CNNM1: variants seen among roughly 807,000 people sequenced by gnomAD.
CNNM1 encodes cyclin and CBS domain divalent metal cation transport mediator 1.
A neutral mutation model predicts 78.8 loss-of-function variants in CNNM1; 44 were observed. The ratio of observed to expected loss-of-function variants is 0.56; its 90% confidence interval spans 0.44 to 0.72. The LOEUF (loss-of-function observed/expected upper bound fraction) is 0.72. CNNM1 is among the 30% of genes least tolerant of loss of function. CNNM1 has a pLI of 0.00. For missense variants in CNNM1, 1,101 were observed against 1,292.2 expected, an observed-to-expected ratio of 0.85 and a Z score of 2.27; for synonymous variants, 584 against 581.5, an observed-to-expected ratio of 1.00 and a Z score of -0.06.
chr10:99,388,857 T>C lies in CNNM1; in HGVS notation c.2674+556T>C, dbSNP rs562595318. 9.9e-5 allele frequency among the ~76,000 whole-genome samples: 15 copies of C among 152,270 alleles called. No homozygotes were observed. The South Asian group carries it at 3.1e-3, about 32-fold the overall frequency. On this transcript the variant is annotated intron_variant, in intron 9 of 10. Transcript: ENST00000356713. The stretch of plus-strand genomic sequence containing the variant: ...ACCAAAGGTGTAGCCTATAAGACTT[T>C]TCCTGAGGTCTAAGACCATATCACC...
chr10:99,345,620 AG>A (rs1339068258), intron 1 of CNNM1, among the ~76,000 whole-genome samples: 2 of 152,178 alleles, frequency 1.3e-5, no homozygotes, highest in Non-Finnish European at 2.9e-5. Flanking sequence ...ATTTTTAAGC[AG>A]GGGATTCTGG....
chr10:99,335,177 A>G (rs1191125818), intron 1 of CNNM1, among the ~76,000 whole-genome samples: 1 of 152,242 alleles, frequency 6.6e-6, no homozygotes, highest in East Asian at 1.9e-4. Flanking sequence ...GTAATTGCTA[A>G]CATGCATATT....
At chr10:99,382,851 C>G (rs57780386) in intron 7 of CNNM1, among the ~76,000 whole-genome samples, 5,295 of 152,280 alleles carry the variant, frequency 0.035, 281 homozygotes, top group African/African-American at 0.12. Flanking sequence ...GTCCAGAAAG[C>G]CACCCTTGCT....
intron 9 of CNNM1, 101 bp from the exon 10 acceptor site, chr10:99,390,205 A>T: frequency 3.5e-6 from 3 of 849,600 alleles, no homozygotes; most frequent in African/African-American, 1.7e-5. Context: ...CTCACGTCTT[A>T]AACTTCACTT....
chr10:99,391,747 T>C lies in CNNM1; in HGVS notation c.*231T>C. ...AGAAGGAGGTGCCTCTGATAGAACA[T>C]GCTAGAAATGGTCTTTTCCACAGCA... On this transcript the variant is annotated 3_prime_UTR_variant, in exon 11 of 11. Transcript: ENST00000356713. 1 of 490,668 alleles carries C rather than the reference T, an allele frequency of 2.0e-6. No homozygotes were observed. Among genetic ancestry groups the C allele is most frequent in the Non-Finnish European group, 3.7e-6 (1 of 273,024 alleles). 30.4% of individuals were successfully genotyped at this position (490,668 alleles called of 1,614,324 possible). A position where few individuals can be genotyped will look rare whatever the true frequency, so the allele number is the denominator to read the frequency against.
intron 1 of CNNM1, among the ~76,000 whole-genome samples, chr10:99,331,602 C>T (rs1291042015): frequency 1.3e-5 from 2 of 152,222 alleles, no homozygotes; most frequent in Non-Finnish European, 2.9e-5. Flanking sequence ...CGCGGCGGCT[C>T]ATGCTTCTAA....
chr10:99,361,107 G>T, intron 3 of CNNM1, 132 bp downstream of exon 3: 1 of 1,046,042 alleles, frequency 9.6e-7, no homozygotes, highest in Non-Finnish European at 1.3e-6. Context: ...TTCTAGGAAG[G>T]AGGTTGCCTT....
Position 99,391,717 on chromosome 10 carries a change from A to G in CNNM1, c.*201A>G. ...TTCGACTCAGAACCTTGACATGGCCATAACAGAAGGAGGTGCCTCTGATAG... is the reference window on the plus strand; with the variant it reads ...TTCGACTCAGAACCTTGACATGGCCGTAACAGAAGGAGGTGCCTCTGATAG... On this transcript the variant is annotated 3_prime_UTR_variant, in exon 11 of 11. Transcript: ENST00000356713. 1.8e-6 allele frequency: 1 copy of G among 549,164 alleles called. No individual in the cohort carries two copies. Among genetic ancestry groups the G allele is most frequent in the Non-Finnish European group, 3.3e-6 (1 of 307,208 alleles). 34.0% of individuals were successfully genotyped at this position (549,164 alleles called of 1,614,324 possible). A position where few individuals can be genotyped will look rare whatever the true frequency, so the allele number is the denominator to read the frequency against.
intron 1 of CNNM1, among the ~76,000 whole-genome samples, chr10:99,333,565 G>A (rs768266903): frequency 6.6e-6 from 1 of 152,044 alleles, no homozygotes; most frequent in South Asian, 2.1e-4. Context: ...AGCTGGTCTC[G>A]AACTCCCGAC....
chr10:99,383,857 C>G (rs1350628392), intron 7 of CNNM1, among the ~76,000 whole-genome samples: 1 of 152,080 alleles, frequency 6.6e-6, no homozygotes, highest in East Asian at 1.9e-4. Flanking sequence ...AGCCAGTAGC[C>G]ATGTATAAAT....
chr10:99,389,593 G>A (rs1253863171), intron 9 of CNNM1, among the ~76,000 whole-genome samples: 1 of 152,090 alleles, frequency 6.6e-6, no homozygotes, highest in East Asian at 1.9e-4. Context: ...GCAAGAAAAT[G>A]TAACAAAGGA....
At chr10:99,345,823 G>A (rs905256801) in intron 1 of CNNM1, among the ~76,000 whole-genome samples, 4 of 152,016 alleles carry the variant, frequency 2.6e-5, no homozygotes, top group Admixed American at 1.3e-4. Context: ...TTCTTGGAAC[G>A]GTTATTTTAT....
intron 6 of CNNM1, among the ~76,000 whole-genome samples, chr10:99,367,761 G>C (rs1009081991): frequency 6.6e-6 from 1 of 152,174 alleles, no homozygotes; most frequent in Non-Finnish European, 1.5e-5. Context: ...ATCATCTGCA[G>C]ACTGGTTTCA....
chr10:99,348,919 A>C (rs2134030131), intron 1 of CNNM1, among the ~76,000 whole-genome samples: 1 of 152,226 alleles, frequency 6.6e-6, no homozygotes, highest in East Asian at 1.9e-4. Context: ...ATAAACAAAC[A>C]AATAGCCAGG....
chr10:99,372,141 A>C (rs980119381), intron 6 of CNNM1, among the ~76,000 whole-genome samples: 3 of 152,116 alleles, frequency 2.0e-5, no homozygotes, highest in Admixed American at 2.0e-4. Context: ...AGGGCCCCTG[A>C]CTATTACTAC....
intron 6 of CNNM1, among the ~76,000 whole-genome samples, chr10:99,371,559 C>G (rs562311412): frequency 1.3e-5 from 2 of 152,206 alleles, no homozygotes; most frequent in East Asian, 3.9e-4. Flanking sequence ...TCAATAATGA[C>G]AGTTTTCTGC....
rs1191410518 is a variant in CNNM1, at chr10:99,330,140, G to C, written c.753G>C (p.Pro251=). The change falls in exon 1 of 11, where the codon CCG becomes CCC. Residue 251 remains proline (P), a synonymous_variant. Coordinates refer to ENST00000356713, the MANE Select transcript of CNNM1 (RefSeq NM_020348.3). ...GLRLSLLSLD[P]VELRVLRNSG... is the part of the protein sequence containing the mutation. The stretch of plus-strand genomic sequence containing the variant: ...GCCTGAGCCTGCTGTCGCTGGACCC[G>C]GTGGAGTTACGGGTGCTGCGGAACA... 6.5e-7 allele frequency: 1 copy of C among 1,546,904 alleles called. No homozygotes were observed. The highest frequency in any genetic ancestry group is 1.4e-5 in the African/African-American group (1 of 73,498).
Position 99,376,959 on chromosome 10 carries a change from A to G in CNNM1, c.2177-96A>G, listed in dbSNP as rs1214096423. ...AAGTCTTATGGGACCTCAGTAAACA[A>G]CACCTGTCTCTCCCTCCTTCCCTGT... On this transcript the variant is annotated intron_variant, in intron 6 of 10. Transcript: ENST00000356713. 7.4e-6 allele frequency: 9 copies of G among 1,221,606 alleles called. No homozygotes were observed. The East Asian group carries it at 2.3e-4, about 31-fold the overall frequency. The allele number at this position is 1,221,606 out of a possible 1,614,324, so 75.7% of individuals were successfully genotyped here. A position where few individuals can be genotyped will look rare whatever the true frequency, so the allele number is the denominator to read the frequency against.
At chr10:99,378,457 C>A (rs1589918192) in intron 7 of CNNM1, among the ~76,000 whole-genome samples, 1 of 152,126 alleles carries the variant, frequency 6.6e-6, no homozygotes, top group South Asian at 2.1e-4. Flanking sequence ...CGCACGCCTT[C>A]ATTATTTGGA....
Sources: gnomAD v4.1 joint callset for allele counts (sites outside exome capture counted in the v4.1 genomes callset) on GRCh38, gnomAD v4.1.1 for gene constraint, MANE v1.5 for transcripts, NCBI Gene and HGNC (gene_info 2026-07-23, HGNC 2026-07-21) for gene names.